The following KLHL29 variants were observed in gnomAD, a reference collection of about 807,000 sequenced individuals.
KLHL29 encodes kelch-like protein 29.
KLHL29 carries 21 observed loss-of-function variants against 80.4 expected under a neutral mutation model. The observed-to-expected ratio is 0.26, with a 90% CI of 0.19 to 0.38. The LOEUF is 0.38. Ranked by LOEUF, KLHL29 falls within the 10% of genes least tolerant of loss-of-function variation. The pLI, the probability that KLHL29 is intolerant of heterozygous loss-of-function variation, is 1.00. For missense variants in KLHL29, 867 were observed against 1,223.9 expected, an observed-to-expected ratio of 0.71 and a Z score of 4.35; for synonymous variants, 511 against 526.8, an observed-to-expected ratio of 0.97 and a Z score of 0.41.
At chr2:23,604,317 G>C (rs571069171) in intron 3 of KLHL29, among the ~76,000 whole-genome samples, 1 of 152,070 alleles carries the variant, frequency 6.6e-6, no homozygotes, top group Non-Finnish European at 1.5e-5. Flanking sequence ...GGATGGTCTC[G>C]ATCTCCTGAC....
At chr2:23,588,294 G>A (rs1485247123) in intron 3 of KLHL29, among the ~76,000 whole-genome samples, 1 of 152,286 alleles carries the variant, frequency 6.6e-6, no homozygotes, top group South Asian at 2.1e-4. Context: ...GTGGGAAGGT[G>A]CACCTGCCCA....
chr2:23,623,335 G>A (rs1033409108), intron 3 of KLHL29, among the ~76,000 whole-genome samples: 10 of 152,186 alleles, frequency 6.6e-5, no homozygotes, highest in South Asian at 2.1e-4. Flanking sequence ...AGGTTTACAC[G>A]TTAGTGGCAG....
chr2:23,515,753 T>TA (rs2103465401), intron 2 of KLHL29, among the ~76,000 whole-genome samples: 1 of 152,216 alleles, frequency 6.6e-6, no homozygotes, highest in South Asian at 2.1e-4. Flanking sequence ...AATACACAAT[T>TA]GTTTGTTGAC....
At chr2:23,494,825 G>A (rs74950071) in intron 2 of KLHL29, among the ~76,000 whole-genome samples, 3 of 152,134 alleles carry the variant, frequency 2.0e-5, no homozygotes, top group Non-Finnish European at 4.4e-5. Context: ...GGCTCCTTCT[G>A]TCTTCTTTCC....
intron 1 of KLHL29, among the ~76,000 whole-genome samples, chr2:23,406,970 TTTG>T (rs1255701845): frequency 6.6e-6 from 1 of 152,256 alleles, no homozygotes; most frequent in African/African-American, 2.4e-5. Context: ...TATTTGTCAC[TTTG>T]TAGCAGAATT....
intron 3 of KLHL29, among the ~76,000 whole-genome samples, chr2:23,589,054 C>T (rs1000008316): frequency 1.3e-5 from 2 of 152,366 alleles, no homozygotes; most frequent in Middle Eastern, 3.4e-3. Context: ...CCCCAGGATG[C>T]GTCTTATTCA....
chr2:23,451,083 A>T (rs1663866282), intron 1 of KLHL29, among the ~76,000 whole-genome samples: 1 of 152,238 alleles, frequency 6.6e-6, no homozygotes, highest in Non-Finnish European at 1.5e-5. Context: ...AGCATAAACT[A>T]AGGAAATTTT....
chr2:23,536,773 T>C (rs1373236211), intron 2 of KLHL29, among the ~76,000 whole-genome samples: 2 of 152,144 alleles, frequency 1.3e-5, no homozygotes, highest in Non-Finnish European at 2.9e-5. Context: ...TCTGTACTGT[T>C]TATGTTCTGG....
At chr2:23,607,021 T>A (rs1378199952) in intron 3 of KLHL29, among the ~76,000 whole-genome samples, 1 of 152,158 alleles carries the variant, frequency 6.6e-6, no homozygotes. Context: ...CAAGCTCTGG[T>A]CTCATGAGCC....
chr2:23,457,857 C>G lies in KLHL29; in HGVS notation c.-153-17703C>G, dbSNP rs1321624998. Reference sequence around the variant, plus strand: ...TGAAACCCTGTCTCTACTAAAAATACAAAAAATTAGCCAGGCGTGGTGGCG... The same window carrying G: ...TGAAACCCTGTCTCTACTAAAAATAGAAAAAATTAGCCAGGCGTGGTGGCG... On this transcript the variant is annotated intron_variant, in intron 1 of 13. Transcript: ENST00000486442. This position sits in a 1 kb window ranked among gnomAD's most constrained non-coding sequence, Gnocchi z 4.3. Among the ~76,000 whole-genome samples the G allele has an allele frequency of 6.6e-6, 1 of 151,854 alleles. No homozygotes were observed. Among genetic ancestry groups the G allele is most frequent in the African/African-American group, 2.4e-5 (1 of 41,358 alleles).
intron 1 of KLHL29, among the ~76,000 whole-genome samples, chr2:23,450,073 C>A (rs531587922): frequency 6.6e-6 from 1 of 152,272 alleles, no homozygotes; most frequent in South Asian, 2.1e-4. Flanking sequence ...CAAGCTCGAT[C>A]GCCAATTAAA....
intron 3 of KLHL29, chr2:23,617,254 C>G (rs1352150688): frequency 6.6e-6 from 1 of 152,234 alleles, no homozygotes; most frequent in Non-Finnish European, 1.5e-5. Context: ...AGAAGCTTCC[C>G]TGTGCTTCAC....
At chr2:23,566,768 A>T (rs887143128) in intron 3 of KLHL29, among the ~76,000 whole-genome samples, 11 of 152,208 alleles carry the variant, frequency 7.2e-5, no homozygotes, top group African/African-American at 2.4e-4. Context: ...CCTCATGGGG[A>T]TGATGTGAGA....
At chr2:23,497,488 T>G (rs1665304968) in intron 2 of KLHL29, among the ~76,000 whole-genome samples, 1 of 152,142 alleles carries the variant, frequency 6.6e-6, no homozygotes, top group Non-Finnish European at 1.5e-5. Context: ...GCAATAATCA[T>G]TTGGTCAAGA....
At chr2:23,624,539 A>G (rs541784655) in intron 3 of KLHL29, among the ~76,000 whole-genome samples, 63 of 152,180 alleles carry the variant, frequency 4.1e-4, no homozygotes, top group African/African-American at 1.5e-3. Flanking sequence ...CTTGACCTGC[A>G]ATTCAGACCA....
chr2:23,606,121 G>A (rs1037181184), intron 3 of KLHL29, among the ~76,000 whole-genome samples: 29 of 151,732 alleles, frequency 1.9e-4, no homozygotes, highest in African/African-American at 6.8e-4. Context: ...TTCAGGTGGG[G>A]GGATCATTCC....
At chr2:23,463,825 A>G (rs1243254343) in intron 1 of KLHL29, among the ~76,000 whole-genome samples, 1 of 152,246 alleles carries the variant, frequency 6.6e-6, no homozygotes, top group South Asian at 2.1e-4. Context: ...ATAATCAGAA[A>G]TGATTATATT....
At chr2:23,534,045 C>T (rs1169787556) in intron 2 of KLHL29, among the ~76,000 whole-genome samples, 10 of 151,796 alleles carry the variant, frequency 6.6e-5, no homozygotes, top group Admixed American at 5.9e-4. Flanking sequence ...CAAGTAAGGA[C>T]CCGCCAATAG....
intron 3 of KLHL29, among the ~76,000 whole-genome samples, chr2:23,592,782 A>T (rs777482861): frequency 2.0e-5 from 3 of 152,202 alleles, no homozygotes; most frequent in South Asian, 4.1e-4. Context: ...TGTTGAAGCA[A>T]ACAGACCATC....
Sources: gnomAD v4.1 joint callset for allele counts (sites outside exome capture counted in the v4.1 genomes callset) on GRCh38, gnomAD v4.1.1 for gene constraint, Gnocchi (gnomAD v3.1) non-coding constraint, MANE v1.5 for transcripts, NCBI Gene and HGNC (gene_info 2026-07-23, HGNC 2026-07-21) for gene names.